The following NACC2 variants were observed in gnomAD, a reference collection of about 807,000 sequenced individuals.
NACC2 encodes nucleus accumbens-associated protein 2.
Under a neutral mutation model 25.1 loss-of-function variants are expected in NACC2, and 8 were observed. The observed-to-expected ratio is 0.32, with a 90% confidence interval of 0.19 to 0.57. The LOEUF (loss-of-function observed/expected upper bound fraction) is 0.57, where lower values mean the gene tolerates loss of function less well. Among genes scored for constraint, NACC2 ranks in the 20% least tolerant of loss-of-function variants. The pLI, the probability that NACC2 is intolerant of heterozygous loss-of-function variation, is 0.89. For missense variants in NACC2, 644 were observed against 650.2 expected (o/e 0.99, Z 0.10); for synonymous variants, 435 against 294.7 (o/e 1.48, Z -4.88).
intron 1 of NACC2, among the ~76,000 whole-genome samples, chr9:136,073,704 T>C (rs1564239586): frequency 6.6e-6 from 1 of 152,218 alleles, no homozygotes; most frequent in Non-Finnish European, 1.5e-5. Flanking sequence ...ATAAGGAGTA[T>C]GAAAAGCAGC....
At position 136,011,597 on chromosome 9, in the gene NACC2, C is replaced by A; in HGVS notation, c.1683G>T (p.Gln561His). 1 of 1,428,824 alleles carries A rather than the reference C, an allele frequency of 7.0e-7. No individual in the cohort carries two copies. Among genetic ancestry groups the A allele is most frequent in the Non-Finnish European group, 9.1e-7 (1 of 1,099,482 alleles). 88.5% of individuals were successfully genotyped at this position (1,428,824 alleles called of 1,614,324 possible). Residue 561 changes from glutamine (Q) to histidine (H), a missense_variant, in exon 6 of 6, where the codon CAG (glutamine) becomes CAT (histidine). By Grantham distance (24) the Gln-to-His change is conservative. Transcript: ENST00000277554. The part of the protein sequence containing the change: ...DGQSPPQPFE[Q>H]GGGGPSRPQT... ...GGGGCCTGCTGGGGCCGCCCCCGCC[C>A]TGCTCAAAGGGCTGTGGGGGGCTCT...
intron 2 of NACC2, among the ~76,000 whole-genome samples, chr9:136,035,397 G>A (rs1381537240): frequency 1.3e-5 from 2 of 151,842 alleles, no homozygotes; most frequent in African/African-American, 2.4e-5. Context: ...CAGTCCTGAG[G>A]AGAAACCTGA....
intron 2 of NACC2, among the ~76,000 whole-genome samples, chr9:136,024,503 A>ATGTGTGTGTGTGTG (rs139555936): frequency 1.8e-4 from 22 of 124,764 alleles, no homozygotes; most frequent in African/African-American, 6.3e-4. Context: ...TGAGGACAGA[A>ATGTGTGTGTGTGTG]TGTGTGTGTG....
intron 2 of NACC2, among the ~76,000 whole-genome samples, chr9:136,048,386 A>G (rs1178621684): frequency 2.0e-5 from 3 of 152,170 alleles, no homozygotes; most frequent in Non-Finnish European, 4.4e-5. Context: ...GGTGAGCCGG[A>G]GCCCGGTGTG....
At chr9:136,076,663 A>G (rs1411521576) in intron 1 of NACC2, among the ~76,000 whole-genome samples, 1 of 152,178 alleles carries the variant, frequency 6.6e-6, no homozygotes, top group Non-Finnish European at 1.5e-5. Context: ...CTGTGCGCTT[A>G]AAAAATGGTT....
At chr9:136,049,352 C>T (rs1361945609) in intron 2 of NACC2, among the ~76,000 whole-genome samples, 1 of 152,208 alleles carries the variant, frequency 6.6e-6, no homozygotes, top group Admixed American at 6.5e-5. Context: ...GAACGTGAAC[C>T]CTGGGGCAGG....
intron 1 of NACC2, among the ~76,000 whole-genome samples, chr9:136,075,552 G>A (rs547919352): frequency 3.3e-5 from 5 of 152,374 alleles, no homozygotes; most frequent in East Asian, 1.9e-4. Flanking sequence ...CCAGGCTGTC[G>A]TGCCTGAGGA....
chr9:136,057,314 A>T (rs893712592), intron 1 of NACC2, among the ~76,000 whole-genome samples: 5 of 152,212 alleles, frequency 3.3e-5, no homozygotes, highest in Non-Finnish European at 4.4e-5. Context: ...TTGGGGGACA[A>T]ACACAGCACA....
Position 136,050,354 on chromosome 9 carries a change from G to A in NACC2, c.168C>T (p.Arg56=), listed in dbSNP as rs1204581865. Reference sequence around the variant, plus strand: ...TCTTGCTGTTGCCGCTGAACAGGTCGCGGAAGTAGAGGCTGCTGGCGGCCA... The same window carrying A: ...TCTTGCTGTTGCCGCTGAACAGGTCACGGAAGTAGAGGCTGCTGGCGGCCA... ...AVLAASSLYF[R]DLFSGNSKSA... Residue 56 remains arginine, a synonymous_variant, in exon 2 of 6, where the codon CGC becomes CGT. Transcript: ENST00000277554. 1.6e-5 allele frequency: 12 copies of A among 747,602 alleles called. No homozygotes were observed. The highest frequency in any genetic ancestry group is 1.5e-4 in the African/African-American group (9 of 58,474). The allele number at this position is 747,602 out of a possible 1,614,324, so 46.3% of individuals were successfully genotyped here.
At chr9:136,074,620 A>G (rs564290636) in intron 1 of NACC2, among the ~76,000 whole-genome samples, 83 of 151,806 alleles carry the variant, frequency 5.5e-4, no homozygotes, top group African/African-American at 1.9e-3. Flanking sequence ...CTGTCACAGC[A>G]AGGCTGCCTG....
chr9:136,094,575 AG>A (rs1265910426), intron 1 of NACC2, among the ~76,000 whole-genome samples: 1 of 152,108 alleles, frequency 6.6e-6, no homozygotes, highest in Non-Finnish European at 1.5e-5. Context: ...CAAGAGGCAG[AG>A]CCCCCTCCCC....
In NACC2 at chr9:136,066,394, C is replaced by T. The variant is rs77863522; in HGVS notation, c.-59-15814G>A. Reference sequence around the variant, plus strand: ...TATACACAAATGTCCAATATACACACGCAAAAATACTCAGCATCATTAGCC... The same window carrying T: ...TATACACAAATGTCCAATATACACATGCAAAAATACTCAGCATCATTAGCC... On this transcript the variant is annotated intron_variant, in intron 1 of 5. Transcript: ENST00000277554. Among the ~76,000 whole-genome samples, 20 of 152,186 alleles carry T rather than the reference C, an allele frequency of 1.3e-4. No homozygotes were observed. In the East Asian group the frequency reaches 2.9e-3, roughly 22 times the overall value.
chr9:136,011,801 T>C lies in NACC2; in HGVS notation c.1479A>G (p.Gln493=). ...CGCCCCGCCGCTCGGCGTAGATGCGTTGCTCGAACACCTGTGCCGCGGCAG... is the reference window on the plus strand; with the variant it reads ...CGCCCCGCCGCTCGGCGTAGATGCGCTGCTCGAACACCTGTGCCGCGGCAG... ...FPPAAAQVFE[Q]RIYAERRGDA... is the part of the protein sequence containing the mutation. The change falls in exon 6 of 6, where the codon CAA becomes CAG. Residue 493 remains glutamine, a synonymous_variant. Coordinates refer to ENST00000277554, the MANE Select transcript of NACC2 (RefSeq NM_144653.5). 6.3e-7 allele frequency: 1 copy of C among 1,580,190 alleles called. No homozygotes were observed. Among genetic ancestry groups the C allele is most frequent in the Non-Finnish European group, 8.6e-7 (1 of 1,164,108 alleles).
chr9:136,086,450 C>T lies in NACC2; in HGVS notation c.-60+8739G>A, dbSNP rs890865094. Among the ~76,000 whole-genome samples the T allele has an allele frequency of 4.6e-5, 7 of 152,106 alleles. No homozygotes were observed. The highest frequency in any genetic ancestry group is 2.1e-4 in the South Asian group (1 of 4,830). On this transcript the variant is annotated intron_variant, in intron 1 of 5. Transcript: ENST00000277554. This position sits in a 1 kb window ranked among gnomAD's most constrained non-coding sequence, Gnocchi z 5.6. Reference sequence around the variant, plus strand: ...GCTCTTGAGGTCCCAGGTCTGCGAGCGGCTGGGCTTCCCTGAGGTCTGGCT... The same window carrying T: ...GCTCTTGAGGTCCCAGGTCTGCGAGTGGCTGGGCTTCCCTGAGGTCTGGCT...
intron 2 of NACC2, among the ~76,000 whole-genome samples, chr9:136,046,067 G>A (rs1018050523): frequency 3.3e-5 from 5 of 152,218 alleles, no homozygotes; most frequent in Non-Finnish European, 7.4e-5. Context: ...GGCCCGAAGA[G>A]GAAAGGGGCT....
intron 2 of NACC2, among the ~76,000 whole-genome samples, chr9:136,044,739 T>G (rs1324318587): frequency 6.6e-6 from 1 of 152,240 alleles, no homozygotes; most frequent in Non-Finnish European, 1.5e-5. Context: ...GAGCTGCTGG[T>G]GGGAGCGGCC....
intron 1 of NACC2, among the ~76,000 whole-genome samples, chr9:136,079,038 G>A (rs1480329692): frequency 6.7e-6 from 1 of 150,064 alleles, no homozygotes; most frequent in East Asian, 2.0e-4. Context: ...ATGTTAATTT[G>A]ACTTCAATCA....
chr9:136,069,895 G>A (rs1841130138), intron 1 of NACC2, among the ~76,000 whole-genome samples: 1 of 151,774 alleles, frequency 6.6e-6, no homozygotes, highest in African/African-American at 2.4e-5. Flanking sequence ...TCTAAACAAG[G>A]ATAGAACTAG....
chr9:136,049,430 G>A (rs957449962), intron 2 of NACC2, among the ~76,000 whole-genome samples: 2 of 152,180 alleles, frequency 1.3e-5, no homozygotes, highest in African/African-American at 2.4e-5. Context: ...CCTACAGGCT[G>A]GCAGAGTCTC....
Sources: gnomAD v4.1 joint callset for allele counts (sites outside exome capture counted in the v4.1 genomes callset) on GRCh38, gnomAD v4.1.1 for gene constraint, Gnocchi (gnomAD v3.1) non-coding constraint, MANE v1.5 for transcripts, NCBI Gene and HGNC (gene_info 2026-07-23, HGNC 2026-07-21) for gene names.